HLCS: variants seen among roughly 807,000 people sequenced by gnomAD.
HLCS encodes the protein holocarboxylase synthetase.
In HLCS, 53 loss-of-function variants were observed where a neutral mutation model predicts 75.0. The ratio of observed to expected loss-of-function variants is 0.71; its 90% confidence interval spans 0.57 to 0.89. HLCS has a LOEUF of 0.89. Ranked by LOEUF, HLCS falls within the 40% of genes least tolerant of loss-of-function variation. The probability of loss-of-function intolerance (pLI) is 0.00; values close to 1 mark genes in which losing one functional copy is unlikely to be tolerated. For missense variants in HLCS, 966 were observed against 1,074.0 expected (o/e 0.90, Z 1.41); for synonymous variants, 431 against 428.6 (o/e 1.01, Z -0.07).
At position 36,966,668 on chromosome 21, in the gene HLCS, T is replaced by TCGCCCGCCC. The variant is rs2068608997; in HGVS notation, c.-31_-30insGGGCGGGCG. 2 of 963,232 alleles carry TCGCCCGCCC rather than the reference T, an allele frequency of 2.1e-6. No individual in the cohort carries two copies. Among genetic ancestry groups the TCGCCCGCCC allele is most frequent in the Non-Finnish European group, 2.5e-6 (2 of 813,240 alleles). 59.7% of individuals were successfully genotyped at this position (963,232 alleles called of 1,614,324 possible). On this transcript the variant is annotated 5_prime_UTR_variant, in exon 1 of 11. Transcript: ENST00000674895. ...GCGCCGCCGGCAGGGCGAGCCCGCC[T>TCGCCCGCCC]TGCCCGCCCGCCCCAGCGCCCCAGG...
At chr21:36,760,770 C>A (rs965739789) in intron 8 of HLCS, among the ~76,000 whole-genome samples, 2 of 152,138 alleles carry the variant, frequency 1.3e-5, no homozygotes, top group African/African-American at 4.8e-5. Flanking sequence ...GGTGGGGGGG[C>A]TCTCCCTGTC....
At chr21:36,960,839 C>T (rs911779246) in intron 2 of HLCS, among the ~76,000 whole-genome samples, 1 of 152,172 alleles carries the variant, frequency 6.6e-6, no homozygotes, top group Admixed American at 6.5e-5. Flanking sequence ...ATGGACTGCA[C>T]CTGGAGGGAT....
intron 6 of HLCS, among the ~76,000 whole-genome samples, chr21:36,828,521 T>C (rs1224838756): frequency 6.6e-6 from 1 of 152,298 alleles, no homozygotes. Flanking sequence ...AAAAGAAGAA[T>C]AGCCTATGAA....
intron 6 of HLCS, among the ~76,000 whole-genome samples, chr21:36,773,676 A>G (rs1801928267): frequency 6.6e-6 from 1 of 152,206 alleles, no homozygotes; most frequent in South Asian, 2.1e-4. Context: ...ACACACTCTC[A>G]TGAGTGAAAA....
chr21:36,762,940 A>G (rs1163041233), intron 8 of HLCS, among the ~76,000 whole-genome samples: 2 of 152,240 alleles, frequency 1.3e-5, no homozygotes, highest in African/African-American at 2.4e-5. Context: ...AAACAGACTC[A>G]TTTAATGTTC....
chr21:36,875,905 T>G (rs1402462625), intron 6 of HLCS, among the ~76,000 whole-genome samples: 2 of 152,186 alleles, frequency 1.3e-5, no homozygotes, highest in Non-Finnish European at 1.5e-5. Context: ...GACACCCTCT[T>G]TGGGGCTCTG....
chr21:36,908,368 C>T (rs2065553305), intron 5 of HLCS, among the ~76,000 whole-genome samples: 1 of 148,782 alleles, frequency 6.7e-6, no homozygotes, highest in South Asian at 2.1e-4. Flanking sequence ...ACAGCCTGGG[C>T]AACAGAGCAA....
chr21:36,850,059 G>A (rs913159619), intron 6 of HLCS, among the ~76,000 whole-genome samples: 1 of 152,178 alleles, frequency 6.6e-6, no homozygotes, highest in African/African-American at 2.4e-5. Flanking sequence ...GGTGGCAGAG[G>A]TGAAGGCAGA....
chr21:36,834,607 G>A (rs1193757618), intron 6 of HLCS, among the ~76,000 whole-genome samples: 1 of 152,230 alleles, frequency 6.6e-6, no homozygotes, highest in African/African-American at 2.4e-5. Context: ...CCAGGCTGGA[G>A]TGCAGTGGCA....
At chr21:36,825,030 T>A (rs758181337) in intron 6 of HLCS, among the ~76,000 whole-genome samples, 1 of 152,206 alleles carries the variant, frequency 6.6e-6, no homozygotes, top group Non-Finnish European at 1.5e-5. Flanking sequence ...ATGTTCAATG[T>A]AGCTTCAGAA....
intron 4 of HLCS, among the ~76,000 whole-genome samples, chr21:36,930,635 A>G (rs1185231713): frequency 6.6e-6 from 1 of 152,006 alleles, no homozygotes; most frequent in Non-Finnish European, 1.5e-5. Context: ...ATGAGCCACC[A>G]CATCTGGCCA....
intron 6 of HLCS, among the ~76,000 whole-genome samples, chr21:36,792,475 G>C (rs981621170): frequency 2.0e-5 from 3 of 149,214 alleles, no homozygotes; most frequent in African/African-American, 4.9e-5. Context: ...GGAAGGGAGA[G>C]GGGGAGGGAA....
At chr21:36,902,436 C>T (rs1356970607) in intron 5 of HLCS, among the ~76,000 whole-genome samples, 5 of 152,160 alleles carry the variant, frequency 3.3e-5, no homozygotes, top group East Asian at 3.9e-4. Context: ...TTCCCCTCTG[C>T]GGACACCTGG....
At chr21:36,884,786 G>C (rs761266722) in intron 6 of HLCS, among the ~76,000 whole-genome samples, 44 of 152,302 alleles carry the variant, frequency 2.9e-4, no homozygotes, top group Middle Eastern at 3.4e-3. Flanking sequence ...CAATTCTGCA[G>C]AGTAATAAAC....
intron 5 of HLCS, among the ~76,000 whole-genome samples, chr21:36,918,528 A>G (rs1266332678): frequency 1.3e-5 from 2 of 152,214 alleles, no homozygotes; most frequent in African/African-American, 2.4e-5. Context: ...TTATTGTAAG[A>G]AAGTGGCTGG....
chr21:36,902,805 C>T (rs1401689171), intron 5 of HLCS, among the ~76,000 whole-genome samples: 2 of 151,996 alleles, frequency 1.3e-5, no homozygotes, highest in Non-Finnish European at 2.9e-5. Flanking sequence ...AGGTCAGCGA[C>T]TCTGAACTGA....
rs886301968 is a variant in HLCS, at chr21:36,981,311, G to A, written c.-393+8847C>T. 4.6e-5 allele frequency among the ~76,000 whole-genome samples: 7 copies of A among 151,686 alleles called. No homozygotes were observed. The East Asian group carries it at 1.4e-3, about 29-fold the overall frequency. ...ATGTATGGGCTTAACTAGTTATTCT[G>A]GATTTCTTTCCCCATGTTACTCCTC... On this transcript the variant is annotated intron_variant, in intron 1 of 11. Coordinates refer to the HLCS transcript ENST00000336648.
intron 5 of HLCS, among the ~76,000 whole-genome samples, chr21:36,928,740 C>T (rs576594157): frequency 3.9e-5 from 6 of 152,168 alleles, no homozygotes; most frequent in Admixed American, 1.3e-4. Flanking sequence ...GTGGAGGGCC[C>T]GCAATGGGAA....
At chr21:36,886,065 CT>C (rs112554670) in intron 6 of HLCS, among the ~76,000 whole-genome samples, 10,665 of 146,674 alleles carry the variant, frequency 0.073, 650 homozygotes, top group East Asian at 0.25. Flanking sequence ...ATGTTATCTA[CT>C]TTTTTTTTTT....
Sources: gnomAD v4.1 joint callset for allele counts (sites outside exome capture counted in the v4.1 genomes callset) on GRCh38, gnomAD v4.1.1 for gene constraint, MANE v1.5 for transcripts, NCBI Gene and HGNC (gene_info 2026-07-23, HGNC 2026-07-21) for gene names.